The following PRSS53 variants were observed in gnomAD, a reference collection of about 807,000 sequenced individuals.
The protein encoded by PRSS53 is serine protease 53.
A neutral mutation model predicts 62.7 loss-of-function variants in PRSS53; 54 were observed. The ratio of observed to expected loss-of-function variants is 0.86; its 90% confidence interval spans 0.69 to 1.08. The LOEUF is 1.08. PRSS53 is among the 50% of genes least tolerant of loss of function. The pLI, the probability that PRSS53 is intolerant of heterozygous loss-of-function variation, is 0.00. For missense variants in PRSS53, 688 were observed against 728.3 expected, an observed-to-expected ratio of 0.94 and a Z score of 0.64; for synonymous variants, 273 against 300.0, an observed-to-expected ratio of 0.91 and a Z score of 0.93.
intron 1 of PRSS53, chr16:31,088,049 C>T: frequency 7.0e-7 from 1 of 1,437,786 alleles, no homozygotes; most frequent in South Asian, 1.4e-5. Flanking sequence ...CAGCTGTGCT[C>T]AGCACTCTGG....
At chr16:31,088,728 A>G in intron 1 of PRSS53, 24 bp downstream of exon 1, 1 of 1,612,640 alleles carries the variant, frequency 6.2e-7, no homozygotes, top group Non-Finnish European at 8.5e-7. Flanking sequence ...GGCCACACCC[A>G]TACCCCAGCA....
intron 10 of PRSS53, 67 bp from the exon 11 acceptor site, chr16:31,083,876 A>G (rs982546601): frequency 1.0e-5 from 15 of 1,477,724 alleles, no homozygotes; most frequent in Non-Finnish European, 1.4e-5. Context: ...CTCCCTCCCC[A>G]TTCCTCGAAG....
exon 7 of PRSS53, chr16:31,085,113 A>G (rs368384747): frequency 2.3e-4 from 370 of 1,612,924 alleles, no homozygotes; most frequent in African/African-American, 5.9e-4. Flanking sequence ...GACTCACCCA[A>G]TGAAGCAGTG....
chr16:31,084,885 C>T (rs2143869336), exon 8 of PRSS53: 2 of 1,545,202 alleles, frequency 1.3e-6, no homozygotes, highest in South Asian at 1.2e-5. Flanking sequence ...CCCAGTGTCA[C>T]AGGCTGGGCC....
chr16:31,083,464 TA>T, exon 11 of PRSS53: 2 of 1,312,282 alleles, frequency 1.5e-6, no homozygotes, highest in South Asian at 2.1e-5. Context: ...TATTTAAGTT[TA>T]AAAAAAGGAA....
chr16:31,084,623 C>T (rs2057208596), exon 9 of PRSS53: 1 of 1,607,500 alleles, frequency 6.2e-7, no homozygotes. Flanking sequence ...GGGCTGCCAT[C>T]ACCCCCAGGA....
intron 3 of PRSS53, 47 bp downstream of exon 3, chr16:31,087,489 TC>T (rs1409868284): frequency 6.9e-7 from 1 of 1,450,896 alleles, no homozygotes; most frequent in Non-Finnish European, 9.6e-7. Context: ...AGACAAATTG[TC>T]CACTCCCCAG....
chr16:31,088,661 T>TC (rs1567418623), intron 1 of PRSS53, 91 bp downstream of exon 1: 7 of 1,593,514 alleles, frequency 4.4e-6, no homozygotes, highest in East Asian at 2.3e-5. Flanking sequence ...CCACAGGCGG[T>TC]CCCCCCACCA....
intron 9 of PRSS53, 55 bp downstream of exon 9, chr16:31,084,503 T>C (rs1255946166): frequency 6.4e-7 from 1 of 1,560,108 alleles, no homozygotes; most frequent in Non-Finnish European, 8.7e-7. Context: ...CTTGAGCTAT[T>C]GGGTGAGGGG....
intron 6 of PRSS53, 114 bp from the exon 7 acceptor site, chr16:31,085,374 C>T: frequency 1.6e-6 from 2 of 1,264,750 alleles, no homozygotes; most frequent in Non-Finnish European, 2.1e-6. Flanking sequence ...TGAAGGTAAC[C>T]AAAGTTCCAG....
chr16:31,085,038 G>C lies in PRSS53; in HGVS notation c.1035-14C>G. On this transcript the variant is annotated splice_polypyrimidine_tract_variant and intron_variant, in intron 7 of 10. Coordinates refer to ENST00000280606, the Ensembl canonical transcript of PRSS53. ...GGGGCCTGGCGCCTGTGCAGAGGCA[G>C]TGTGGACGGCACCAGGTGACAGGGC... 1 of 1,607,314 alleles carries C rather than the reference G, an allele frequency of 6.2e-7. No individual in the cohort carries two copies. The highest frequency in any genetic ancestry group is 8.5e-7 in the Non-Finnish European group (1 of 1,177,054).
In PRSS53 at chr16:31,084,238, G is replaced by A. The variant is rs763315006; in HGVS notation, c.1523C>T (p.Pro508Leu). Reference sequence around the variant, plus strand: ...GGCAGGGAGCGCGGTGAAGACCGCCGGCCTGGCGGGGCCTTGGCAAGCATC... The same window carrying A: ...GGCAGGGAGCGCGGTGAAGACCGCCAGCCTGGCGGGGCCTTGGCAAGCATC... Residue 508 changes from proline to leucine, a missense_variant, in exon 10 of 11, where the codon CCG becomes CTG. Physicochemically the swap from Pro to Leu is moderately conservative, Grantham distance 98. Coordinates refer to ENST00000280606, the Ensembl canonical transcript of PRSS53. The A allele has an allele frequency of 1.7e-5, 27 of 1,611,418 alleles. No homozygotes were observed. The highest frequency in any genetic ancestry group is 6.7e-5 in the Admixed American group (4 of 59,738).
exon 11 of PRSS53, chr16:31,083,505 C>A: frequency 7.5e-7 from 1 of 1,331,898 alleles, no homozygotes; most frequent in South Asian, 2.1e-5. Flanking sequence ...AAGAAATTTT[C>A]AAAACAACGT....
chr16:31,087,107 C>T (rs1338132184), intron 3 of PRSS53: 11 of 559,194 alleles, frequency 2.0e-5, no homozygotes, highest in African/African-American at 7.7e-5. Context: ...AAGCGATCCT[C>T]CCACCTCAGC....
intron 1 of PRSS53, chr16:31,088,385 T>A: frequency 8.7e-7 from 1 of 1,153,278 alleles, no homozygotes; most frequent in East Asian, 5.5e-5. Flanking sequence ...ATGAGACAGC[T>A]GAGCCAGGCT....
At position 31,084,106 on chromosome 16, in the gene PRSS53, C is replaced by T. The variant is rs757702602; in HGVS notation, c.1642+13G>A. ...AGAGGCAGGGTTTGGCAGGAGGCCC[C>T]GGGGCCACATACTTATGTTGGCCAG... On this transcript the variant is annotated intron_variant, in intron 10 of 10. Coordinates refer to ENST00000280606, the Ensembl canonical transcript of PRSS53. The T allele has an allele frequency of 2.2e-5, 35 of 1,560,360 alleles. No individual in the cohort carries two copies. Among genetic ancestry groups the T allele is most frequent in the Admixed American group, 1.2e-4 (6 of 52,058 alleles).
At chr16:31,084,780 C>A in exon 8 of PRSS53, 1 of 1,559,708 alleles carries the variant, frequency 6.4e-7, no homozygotes, top group East Asian at 2.3e-5. Context: ...GCCCACCTAC[C>A]TGCTCCTGGG....
intron 2 of PRSS53, 38 bp from the exon 3 acceptor site, chr16:31,087,737 T>A (rs541508798): frequency 6.2e-7 from 1 of 1,613,974 alleles, no homozygotes; most frequent in East Asian, 2.2e-5. Context: ...AGCAGATACC[T>A]GTCCTGACCT....
intron 6 of PRSS53, 38 bp from the exon 7 acceptor site, chr16:31,085,298 GCACTTCC>G: frequency 3.3e-6 from 5 of 1,500,354 alleles, no homozygotes; most frequent in African/African-American, 1.4e-5. Flanking sequence ...TTCTTGCTAA[GCACTTCC>G]CACTTCCCAT....
Sources: allele counts gnomAD v4.1 joint callset, GRCh38; gene constraint gnomAD v4.1.1; transcripts MANE v1.5; gene names NCBI Gene and HGNC (gene_info 2026-07-23, HGNC 2026-07-21).